CAND2: variants seen among roughly 807,000 people sequenced by gnomAD.
CAND2 encodes cullin associated and neddylation dissociated 2 (putative), also known as cullin-associated NEDD8-dissociated protein 2.
CAND2 carries 62 observed loss-of-function variants against 98.9 expected under a neutral mutation model. The ratio of observed to expected loss-of-function variants is 0.63; its 90% CI spans 0.51 to 0.77. The LOEUF (loss-of-function observed/expected upper bound fraction) is 0.77, where lower values mean the gene tolerates loss of function less well. Among genes scored for constraint, CAND2 ranks in the 30% least tolerant of loss-of-function variants. The pLI, the probability that CAND2 is intolerant of heterozygous loss-of-function variation, is 0.00. For synonymous variants in CAND2, 770 were observed against 731.9 expected (o/e 1.05, Z -0.84); for missense variants, 1,501 against 1,655.2 (o/e 0.91, Z 1.62).
Position 12,815,505 on chromosome 3 carries a change from C to A in CAND2, c.1299+72C>A. The A allele has an allele frequency of 6.9e-7, 1 of 1,438,880 alleles. No homozygotes were observed. Among genetic ancestry groups the A allele is most frequent in the South Asian group, 1.3e-5 (1 of 75,392 alleles). 89.1% of individuals were successfully genotyped at this position (1,438,880 alleles called of 1,614,324 possible). On this transcript the variant is annotated intron_variant, in intron 8 of 14. Coordinates refer to ENST00000456430, the MANE Select transcript of CAND2 (RefSeq NM_001162499.2). This position sits in a 1 kb window ranked among gnomAD's most constrained non-coding sequence, Gnocchi z 5.7. ...GCCACTCACTGTTAGTGTCCCTGGACTTGGAAACTCAGCTGGGAGAACATC... is the reference window on the plus strand; with the variant it reads ...GCCACTCACTGTTAGTGTCCCTGGAATTGGAAACTCAGCTGGGAGAACATC...
chr3:12,831,732 T>A (rs1464126693), intron 14 of CAND2, among the ~76,000 whole-genome samples, 160 bp downstream of exon 14: 1 of 152,236 alleles, frequency 6.6e-6, no homozygotes, highest in Non-Finnish European at 1.5e-5. Context: ...CCTCTTATTA[T>A]CATTGTATAC....
intron 11 of CAND2, among the ~76,000 whole-genome samples, chr3:12,821,997 A>AT (rs1273815444): frequency 2.0e-5 from 3 of 151,846 alleles, no homozygotes; most frequent in Non-Finnish European, 4.4e-5. Flanking sequence ...GTTCTCATCA[A>AT]TTTTTTTGCC....
At chr3:12,803,664 G>A (rs2061783597) in intron 2 of CAND2, 33 bp downstream of exon 2, 1 of 1,552,820 alleles carries the variant, frequency 6.4e-7, no homozygotes, top group East Asian at 2.3e-5. Flanking sequence ...CAGGAGAGGG[G>A]GCCCTACCTT....
At chr3:12,819,548 C>T (rs2061938582) in intron 10 of CAND2, among the ~76,000 whole-genome samples, 1 of 152,172 alleles carries the variant, frequency 6.6e-6, no homozygotes, top group African/African-American at 2.4e-5. Context: ...TGGAGGTGAT[C>T]CGAGTTCTGT....
At position 12,827,542 on chromosome 3, in the gene CAND2, C is replaced by G. The variant is rs1367825027; in HGVS notation, c.3313C>G (p.Leu1105Val). 3 of 1,614,024 alleles carry G rather than the reference C, an allele frequency of 1.9e-6. No homozygotes were observed. The highest frequency in any genetic ancestry group is 2.5e-6 in the Non-Finnish European group (3 of 1,179,988). Reference protein sequence around the residue: ...YSLLESCLGQLDICEFLNHVE... With the variant: ...YSLLESCLGQVDICEFLNHVE... Reference sequence around the variant, plus strand: ...ACTGCTTGAGAGCTGCCTGGGCCAGCTGGATATCTGTGAGTTCCTGAACCA... The same window carrying G: ...ACTGCTTGAGAGCTGCCTGGGCCAGGTGGATATCTGTGAGTTCCTGAACCA... Residue 1105 changes from leucine to valine, a missense_variant, in exon 13 of 15, where the codon CTG becomes GTG. Leu to Val is a conservative substitution (Grantham distance 32). Around this residue, in one of 3 missense-constraint regions of CAND2, gnomAD observed 1,427 missense variants for 1,545.3 expected, o/e 0.92. Coordinates refer to ENST00000456430, the MANE Select transcript of CAND2 (RefSeq NM_001162499.2).
chr3:12,833,467 G>A (rs1307096042), intron 14 of CAND2, among the ~76,000 whole-genome samples: 4 of 152,186 alleles, frequency 2.6e-5, no homozygotes, highest in Admixed American at 2.6e-4. Context: ...ACTTGCCACT[G>A]TCAATTAACA....
chr3:12,803,870 G>A (rs1470266277), intron 2 of CAND2, among the ~76,000 whole-genome samples: 2 of 152,130 alleles, frequency 1.3e-5, no homozygotes. Flanking sequence ...GGCAGGAAAG[G>A]GAAGAGGACC....
intron 12 of CAND2, among the ~76,000 whole-genome samples, chr3:12,826,594 A>G (rs1467401699): frequency 6.6e-6 from 1 of 151,790 alleles, no homozygotes; most frequent in East Asian, 1.9e-4. Flanking sequence ...CACCTAGCTA[A>G]TATTTTGTAT....
At chr3:12,803,028 C>T (rs958198295) in intron 1 of CAND2, among the ~76,000 whole-genome samples, 18 of 133,014 alleles carry the variant, frequency 1.4e-4, no homozygotes, top group African/African-American at 3.1e-4. Context: ...CTCTCTCTGT[C>T]GCCCAGGCTG....
chr3:12,827,034 T>C (rs552238686), intron 12 of CAND2, among the ~76,000 whole-genome samples: 41 of 152,204 alleles, frequency 2.7e-4, no homozygotes, highest in African/African-American at 9.4e-4. Context: ...AGTTTCGCCA[T>C]GTTAGCCAGG....
intron 4 of CAND2, among the ~76,000 whole-genome samples, chr3:12,808,543 A>T (rs1226636840): frequency 6.6e-6 from 1 of 152,168 alleles, no homozygotes; most frequent in African/African-American, 2.4e-5. Context: ...TGACTTGAAC[A>T]CCTGCTCTGG....
At chr3:12,833,553 T>A (rs1247241103) in intron 14 of CAND2, among the ~76,000 whole-genome samples, 1 of 152,050 alleles carries the variant, frequency 6.6e-6, no homozygotes, top group African/African-American at 2.4e-5. Context: ...GCAAAGAACC[T>A]CTGTGGGGAA....
In CAND2 at chr3:12,817,745, G is replaced by A; in HGVS notation, c.2813G>A (p.Trp938Ter). 6.4e-7 allele frequency: 1 copy of A among 1,573,616 alleles called. No homozygotes were observed. The highest frequency in any genetic ancestry group is 8.6e-7 in the Non-Finnish European group (1 of 1,160,722). ...CTGAAGCCCTACGCCGAGGACATCT[G>A]GGCCTTGCTGTTCCAGCGCTGCGAG... ...DSLKPYAEDI[W>*]ALLFQRCEGA... is the part of the protein sequence containing the mutation. The change falls in exon 10 of 15, where the codon TGG becomes TAG. Residue 938 changes from tryptophan (W) to a stop codon, truncating the protein, a stop_gained. Transcript: ENST00000456430. LOFTEE classifies it high-confidence loss of function.
At chr3:12,814,889 A>G (rs530222343) in intron 7 of CAND2, among the ~76,000 whole-genome samples, 52 of 152,308 alleles carry the variant, frequency 3.4e-4, no homozygotes, top group African/African-American at 1.2e-3. Context: ...TAATGGGGAA[A>G]TAATCCCTGT....
Position 12,815,410 on chromosome 3 carries a change from A to G in CAND2, c.1276A>G (p.Asn426Asp). ...GGAGGAACCCACCCAGACCGGCAGC[A>G]ACCTCCATATGCTACGTGGACAGGT... ...AMEEPTQTGS[N>D]LHMLRGQVPL... is the part of the protein sequence containing the mutation. Residue 426 changes from asparagine to aspartate, a missense_variant, in exon 8 of 15, where the codon AAC becomes GAC. Asn to Asp is a conservative substitution (Grantham distance 23, BLOSUM62 1). Transcript: ENST00000456430. The surrounding 1 kb of genome is among the most constrained non-coding windows in gnomAD (Gnocchi z 5.7). 6.2e-7 allele frequency: 1 copy of G among 1,612,924 alleles called. No homozygotes were observed. The highest frequency in any genetic ancestry group is 8.5e-7 in the Non-Finnish European group (1 of 1,179,596).
intron 5 of CAND2, among the ~76,000 whole-genome samples, chr3:12,812,615 A>G (rs1054146010): frequency 6.6e-6 from 1 of 151,816 alleles, no homozygotes; most frequent in Non-Finnish European, 1.5e-5. Flanking sequence ...CTTGTTAGCC[A>G]GGATAGTCTC....
Position 12,833,876 on chromosome 3 carries a change from A to C in CAND2, c.3605A>C (p.Asp1202Ala). Residue 1202 changes from aspartate (D) to alanine (A), a missense_variant, in exon 15 of 15, where the codon GAC becomes GCC. By Grantham distance (126) the Asp-to-Ala change is moderately radical (BLOSUM62 -2). Around this residue, in one of 3 missense-constraint regions of CAND2, gnomAD observed 1,427 missense variants for 1,545.3 expected, o/e 0.92. Coordinates refer to ENST00000456430, the MANE Select transcript of CAND2 (RefSeq NM_001162499.2). The part of the protein sequence containing the change: ...PEVGKSPIMA[D>A]FSSQIRSNPE... ...GTGGGGAAAAGCCCCATCATGGCCGACTTCTCTTCCCAAATCAGATCCAAC... is the reference window on the plus strand; with the variant it reads ...GTGGGGAAAAGCCCCATCATGGCCGCCTTCTCTTCCCAAATCAGATCCAAC... 2 of 1,614,140 alleles carry C rather than the reference A, an allele frequency of 1.2e-6. No homozygotes were observed. Among genetic ancestry groups the C allele is most frequent in the Non-Finnish European group, 8.5e-7 (1 of 1,180,020 alleles).
intron 10 of CAND2, among the ~76,000 whole-genome samples, chr3:12,818,106 C>T (rs1186782243): frequency 6.6e-6 from 1 of 152,160 alleles, no homozygotes; most frequent in African/African-American, 2.4e-5. Context: ...CTTGATTGGT[C>T]CCTACAACAA....
Position 12,827,535 on chromosome 3 carries a change from G to A in CAND2, c.3306G>A (p.Leu1102=). The change falls in exon 13 of 15, where the codon CTG becomes CTA. Residue 1102 remains leucine (L), a synonymous_variant. Coordinates refer to ENST00000456430, the MANE Select transcript of CAND2 (RefSeq NM_001162499.2). ...ECMYSLLESC[L]GQLDICEFLN... is the part of the protein sequence containing the mutation. ...TGTATTCACTGCTTGAGAGCTGCCTGGGCCAGCTGGATATCTGTGAGTTCC... is the reference window on the plus strand; with the variant it reads ...TGTATTCACTGCTTGAGAGCTGCCTAGGCCAGCTGGATATCTGTGAGTTCC... The A allele has an allele frequency of 1.2e-6, 2 of 1,614,056 alleles. No homozygotes were observed. The highest frequency in any genetic ancestry group is 1.7e-6 in the Non-Finnish European group (2 of 1,179,992).
Sources: allele counts gnomAD v4.1 joint callset (sites outside exome capture counted in the v4.1 genomes callset), GRCh38; gene constraint gnomAD v4.1.1; regional missense constraint gnomAD v4.1.1; non-coding constraint Gnocchi (gnomAD v3.1); transcripts MANE v1.5; gene names NCBI Gene and HGNC (gene_info 2026-07-23, HGNC 2026-07-21).